Variants in RAP1GAP2 observed in about 807,000 individuals in gnomAD.
The protein encoded by RAP1GAP2 is rap1 GTPase-activating protein 2.
A neutral mutation model predicts 95.0 loss-of-function variants in RAP1GAP2; 27 were observed. The ratio of observed to expected loss-of-function variants is 0.28; its 90% CI spans 0.21 to 0.39. The LOEUF (loss-of-function observed/expected upper bound fraction) is 0.39, where lower values mean the gene tolerates loss of function less well. Among genes scored for constraint, RAP1GAP2 ranks in the 10% least tolerant of loss-of-function variants. The probability of loss-of-function intolerance (pLI) is 1.00; values close to 1 mark genes in which losing one functional copy is unlikely to be tolerated. For synonymous variants in RAP1GAP2, 373 were observed against 380.9 expected, an observed-to-expected ratio of 0.98 and a Z score of 0.24; for missense variants, 771 against 970.0, an observed-to-expected ratio of 0.79 and a Z score of 2.72.
intron 2 of RAP1GAP2, among the ~76,000 whole-genome samples, chr17:2,836,654 A>G (rs2071144078): frequency 6.6e-6 from 1 of 151,902 alleles, no homozygotes; most frequent in Non-Finnish European, 1.5e-5. Context: ...AAACAAAACA[A>G]CAAGCAAACA....
intron 1 of RAP1GAP2, among the ~76,000 whole-genome samples, chr17:2,763,180 G>C (rs974447560): frequency 6.6e-6 from 1 of 152,176 alleles, no homozygotes; most frequent in Non-Finnish European, 1.5e-5. Flanking sequence ...AGTTGGACTC[G>C]TTAGTGGGGA....
chr17:2,979,166 G>A (rs1349672480), intron 8 of RAP1GAP2, among the ~76,000 whole-genome samples: 1 of 152,124 alleles, frequency 6.6e-6, no homozygotes, highest in Non-Finnish European at 1.5e-5. Flanking sequence ...GTAAAATCCA[G>A]CATTTTCATA....
At chr17:2,765,794 C>T (rs777827460) in intron 1 of RAP1GAP2, among the ~76,000 whole-genome samples, 4 of 151,714 alleles carry the variant, frequency 2.6e-5, no homozygotes, top group African/African-American at 9.7e-5. Flanking sequence ...TGGTGAAACC[C>T]CCTCTCTACT....
intron 2 of RAP1GAP2, among the ~76,000 whole-genome samples, chr17:2,886,910 C>A (rs2073522733): frequency 6.6e-6 from 1 of 152,208 alleles, no homozygotes; most frequent in East Asian, 1.9e-4. Context: ...TTCCAGAAAT[C>A]ACTTACCGTC....
At chr17:2,789,029 C>T (rs112151796) in intron 1 of RAP1GAP2, among the ~76,000 whole-genome samples, 1 of 152,072 alleles carries the variant, frequency 6.6e-6, no homozygotes, top group Non-Finnish European at 1.5e-5. Flanking sequence ...ATTAATGGGA[C>T]GCCCGTTTCC....
chr17:2,866,421 C>A lies in RAP1GAP2; in HGVS notation c.81-38863C>A, dbSNP rs929883565. On this transcript the variant is annotated intron_variant, in intron 2 of 24. Coordinates refer to ENST00000254695, the MANE Select transcript of RAP1GAP2 (RefSeq NM_015085.5). The surrounding 1 kb of genome is among the most constrained non-coding windows in gnomAD (Gnocchi z 4.0). Reference sequence around the variant, plus strand: ...CCCCTAGACTCAGGGCAGTTGGTACCCCAGTTAGAATACAAAAACAGAGTC... The same window carrying A: ...CCCCTAGACTCAGGGCAGTTGGTACACCAGTTAGAATACAAAAACAGAGTC... Among the ~76,000 whole-genome samples the A allele has an allele frequency of 6.6e-6, 1 of 152,074 alleles. No homozygotes were observed. The highest frequency in any genetic ancestry group is 1.5e-5 in the Non-Finnish European group (1 of 68,012).
chr17:2,827,311 A>G lies in RAP1GAP2; in HGVS notation c.80+26761A>G, dbSNP rs78706249. 1.3e-3 allele frequency among the ~76,000 whole-genome samples: 195 copies of G among 152,306 alleles called. 1 individual carries two copies. Among genetic ancestry groups the G allele is most frequent in the African/African-American group, 4.4e-3 (182 of 41,568 alleles). ...AGCGTGTTCTGAGTGTGAGTCCTACAAAAGTGGACAATTCAGACCCTGTTG... is the reference window on the plus strand; with the variant it reads ...AGCGTGTTCTGAGTGTGAGTCCTACGAAAGTGGACAATTCAGACCCTGTTG... On this transcript the variant is annotated intron_variant, in intron 2 of 24. Coordinates refer to ENST00000254695, the MANE Select transcript of RAP1GAP2 (RefSeq NM_015085.5). This position sits in a 1 kb window ranked among gnomAD's most constrained non-coding sequence, Gnocchi z 4.1.
rs955279973 is a variant in RAP1GAP2 at position 2,995,571 on chromosome 17, G to A, written c.1044+105G>A. 1.5e-4 allele frequency: 217 copies of A among 1,456,752 alleles called. 1 individual carries two copies. In the Middle Eastern group the frequency reaches 1.8e-3, roughly 12 times the overall value. The allele number at this position is 1,456,752 out of a possible 1,614,324, so 90.2% of individuals were successfully genotyped here. A position where few individuals can be genotyped will look rare whatever the true frequency, so the allele number is the denominator to read the frequency against. On this transcript the variant is annotated intron_variant, in intron 13 of 24. Coordinates refer to ENST00000254695, the MANE Select transcript of RAP1GAP2 (RefSeq NM_015085.5). ...TGTGGCCGTCCCCATATTCGTTCCC[G>A]TAGCCGGCCATTCGTTCAGCTGCGC...
At chr17:2,812,648 G>C (rs980324600) in intron 2 of RAP1GAP2, among the ~76,000 whole-genome samples, 1 of 151,982 alleles carries the variant, frequency 6.6e-6, no homozygotes, top group Non-Finnish European at 1.5e-5. Context: ...CAGGACGGTG[G>C]TTCTCAAACT....
chr17:2,900,194 G>A (rs1215622468), intron 2 of RAP1GAP2, among the ~76,000 whole-genome samples: 3 of 152,194 alleles, frequency 2.0e-5, no homozygotes, highest in African/African-American at 7.2e-5. Context: ...CTAGGTGAGT[G>A]TTTTTCCTGT....
At chr17:2,874,353 C>G (rs36073191) in intron 2 of RAP1GAP2, among the ~76,000 whole-genome samples, 19,366 of 152,106 alleles carry the variant, frequency 0.13, 1,627 homozygotes, top group Middle Eastern at 0.2. Flanking sequence ...CAGAAAAATT[C>G]ATAGCTCTTA....
intron 1 of RAP1GAP2, among the ~76,000 whole-genome samples, chr17:2,759,367 A>G (rs957472269): frequency 3.0e-4 from 45 of 152,208 alleles, no homozygotes; most frequent in Admixed American, 1.0e-3. Context: ...TGTAGCCTCT[A>G]CCCGCTAGGC....
intron 2 of RAP1GAP2, among the ~76,000 whole-genome samples, chr17:2,874,577 A>G (rs2073004412): frequency 6.6e-6 from 1 of 152,166 alleles, no homozygotes; most frequent in Non-Finnish European, 1.5e-5. Flanking sequence ...AGAGGTGGAA[A>G]AGGGGGAGGG....
chr17:2,938,118 G>A (rs765962552), intron 3 of RAP1GAP2, among the ~76,000 whole-genome samples: 4 of 152,266 alleles, frequency 2.6e-5, no homozygotes, highest in Admixed American at 2.0e-4. Flanking sequence ...AGGACATTTC[G>A]TGTCTCACCT....
chr17:2,930,174 G>A (rs1376581440), intron 3 of RAP1GAP2, among the ~76,000 whole-genome samples: 1 of 152,252 alleles, frequency 6.6e-6, no homozygotes, highest in Non-Finnish European at 1.5e-5. Flanking sequence ...ATCGCTGGCT[G>A]GGAGATGACT....
chr17:3,023,860 A>G (rs1320015624), intron 19 of RAP1GAP2, among the ~76,000 whole-genome samples: 1 of 150,934 alleles, frequency 6.6e-6, no homozygotes, highest in African/African-American at 2.4e-5. Context: ...CTGTGTCCAC[A>G]TATTCTCATT....
chr17:2,790,637 C>A (rs2151463078), intron 1 of RAP1GAP2, among the ~76,000 whole-genome samples: 1 of 152,312 alleles, frequency 6.6e-6, no homozygotes, highest in South Asian at 2.1e-4. Flanking sequence ...GTCAGACCAC[C>A]TAGTGCCTGC....
intron 1 of RAP1GAP2, among the ~76,000 whole-genome samples, chr17:2,780,689 A>G (rs2068625619): frequency 1.3e-5 from 2 of 152,246 alleles, no homozygotes; most frequent in Non-Finnish European, 2.9e-5. Context: ...CACCCAGCCT[A>G]TGCTGGGAGA....
At chr17:2,926,391 T>C (rs973756456) in intron 3 of RAP1GAP2, among the ~76,000 whole-genome samples, 2 of 152,160 alleles carry the variant, frequency 1.3e-5, no homozygotes, top group African/African-American at 4.8e-5. Context: ...AGTGTACACT[T>C]GGTTTTTTGA....
Sources: gnomAD v4.1 joint callset for allele counts (sites outside exome capture counted in the v4.1 genomes callset) on GRCh38, gnomAD v4.1.1 for gene constraint, Gnocchi (gnomAD v3.1) non-coding constraint, MANE v1.5 for transcripts, NCBI Gene and HGNC (gene_info 2026-07-23, HGNC 2026-07-21) for gene names.